The following FHDC1 variants were observed in gnomAD, a reference collection of about 807,000 sequenced individuals.
FHDC1 encodes the protein FH2 domain-containing protein 1.
In FHDC1, 25 loss-of-function variants were observed where a neutral mutation model predicts 52.6. The observed-to-expected ratio is 0.48, with a 90% CI of 0.35 to 0.66. FHDC1 has a LOEUF of 0.66. Among genes scored for constraint, FHDC1 ranks in the 30% least tolerant of loss-of-function variants. The pLI, the probability that FHDC1 is intolerant of heterozygous loss-of-function variation, is 0.01. For missense variants in FHDC1, 1,459 were observed against 1,452.8 expected (o/e 1.00, Z -0.07); for synonymous variants, 616 against 581.5 (o/e 1.06, Z -0.85).
At chr4:152,947,249 T>C (rs1283609870) in intron 2 of FHDC1, among the ~76,000 whole-genome samples, 1 of 151,150 alleles carries the variant, frequency 6.6e-6, no homozygotes, top group Non-Finnish European at 1.5e-5. Context: ...AGACATTTAG[T>C]ATGGGAAGAT....
chr4:152,927,756 A>C, the FHDC1 span: 1 of 1,416,700 alleles, frequency 7.1e-7, no homozygotes, highest in African/African-American at 1.4e-5. Flanking sequence ...GAAAAGCAAC[A>C]AAGAGAAGAA....
In FHDC1 at chr4:152,977,515, T is replaced by A. The variant is rs1455795382; in HGVS notation, c.*792T>A. 6.6e-6 allele frequency: 1 copy of A among 152,136 alleles called. No individual in the cohort carries two copies. The highest frequency in any genetic ancestry group is 1.5e-5 in the Non-Finnish European group (1 of 68,042). The allele number at this position is 152,136 out of a possible 1,614,324, so 9.4% of individuals were successfully genotyped here. A position where few individuals can be genotyped will look rare whatever the true frequency, so the allele number is the denominator to read the frequency against. ...TGGACTGCAGTGGCACAATCATAGC[T>A]CACTGCAGCTTTGACCTCCCAGACC... On this transcript the variant is annotated 3_prime_UTR_variant, in exon 12 of 12. Transcript: ENST00000511601.
intron 6 of FHDC1, 80 bp downstream of exon 6, chr4:152,960,924 G>C (rs549348055): frequency 5.7e-6 from 6 of 1,044,086 alleles, no homozygotes; most frequent in East Asian, 2.5e-5. Flanking sequence ...AAATGAAATT[G>C]GACATGGAAA....
At chr4:152,946,140 G>T (rs1455891482) in intron 2 of FHDC1, among the ~76,000 whole-genome samples, 1 of 152,144 alleles carries the variant, frequency 6.6e-6, no homozygotes, top group African/African-American at 2.4e-5. Flanking sequence ...TGGACAGCTG[G>T]GTTGCTTCCA....
At chr4:152,972,217 C>T (rs1031230686) in intron 10 of FHDC1, among the ~76,000 whole-genome samples, 160 bp from the exon 11 acceptor site, 1 of 152,132 alleles carries the variant, frequency 6.6e-6, no homozygotes. Flanking sequence ...GAATTATTTT[C>T]CTTTTGGCTC....
At position 152,978,176 on chromosome 4, in the gene FHDC1, A is replaced by T. The variant is rs1005926674; in HGVS notation, c.*1453A>T. 1 of 152,180 alleles carries T rather than the reference A, an allele frequency of 6.6e-6. No individual in the cohort carries two copies. The highest frequency in any genetic ancestry group is 2.4e-5 in the African/African-American group (1 of 41,434). 9.4% of individuals were successfully genotyped at this position (152,180 alleles called of 1,614,324 possible). ...CTGTTTGACAGTGTGCGTCTTTCCA[A>T]TCCCATGTTCCTCCATTCGTGTGTC... is the stretch of plus-strand genomic sequence containing the variant. On this transcript the variant is annotated 3_prime_UTR_variant, in exon 12 of 12. Coordinates refer to ENST00000511601, the MANE Select transcript of FHDC1 (RefSeq NM_001371116.1).
chr4:152,968,399 A>G (rs185023772), intron 10 of FHDC1, among the ~76,000 whole-genome samples: 107 of 151,154 alleles, frequency 7.1e-4, no homozygotes, highest in Middle Eastern at 3.4e-3. Context: ...GATCTCGGCA[A>G]ACTGCAACCT....
intron 1 of FHDC1, among the ~76,000 whole-genome samples, chr4:152,941,937 C>T (rs1399522992): frequency 6.6e-6 from 1 of 152,174 alleles, no homozygotes; most frequent in Non-Finnish European, 1.5e-5. Context: ...TTCTACACCC[C>T]ACTTACCTGT....
At position 152,943,152 on chromosome 4, in the gene FHDC1, C is replaced by T; in HGVS notation, c.95C>T (p.Pro32Leu). 1 of 1,613,990 alleles carries T rather than the reference C, an allele frequency of 6.2e-7. No individual in the cohort carries two copies. Among genetic ancestry groups the T allele is most frequent in the South Asian group, 1.1e-5 (1 of 91,064 alleles). ...PGFMIGQTPP[P>L]APPPPPPPPP... ...TTCATGATTGGGCAGACACCTCCTC[C>T]AGCACCTCCTCCACCTCCTCCTCCA... The change falls in exon 2 of 12, where the codon CCA becomes CTA. Residue 32 changes from proline to leucine, a missense_variant. By Grantham distance (98) the Pro-to-Leu change is moderately conservative (BLOSUM62 -3). Transcript: ENST00000511601.
intron 2 of FHDC1, 65 bp downstream of exon 2, chr4:152,943,620 G>A (rs1739643804): frequency 2.0e-6 from 3 of 1,507,502 alleles, no homozygotes; most frequent in East Asian, 4.5e-5. Flanking sequence ...TGGGATGTGT[G>A]TACATTTCAA....
the FHDC1 span, among the ~76,000 whole-genome samples, chr4:152,926,904 G>T: frequency 1.3e-5 from 2 of 152,144 alleles, no homozygotes; most frequent in African/African-American, 4.8e-5. Context: ...TGATTACTGA[G>T]TACTCTAATG....
chr4:152,940,788 A>C (rs141490466), intron 1 of FHDC1, among the ~76,000 whole-genome samples: 29 of 152,362 alleles, frequency 1.9e-4, no homozygotes, highest in African/African-American at 6.0e-4. Flanking sequence ...GTATTTTAAA[A>C]TATGTAAGGA....
At chr4:152,951,132 C>G (rs1222397422) in intron 2 of FHDC1, among the ~76,000 whole-genome samples, 1 of 152,124 alleles carries the variant, frequency 6.6e-6, no homozygotes, top group African/African-American at 2.4e-5. Context: ...GAAGGTGGCA[C>G]TTTCATGAAA....
intron 9 of FHDC1, 82 bp from the exon 10 acceptor site, chr4:152,967,898 C>A: frequency 3.0e-6 from 3 of 987,472 alleles, no homozygotes; most frequent in South Asian, 1.5e-5. Flanking sequence ...CAAGGTTGAA[C>A]AACAGTTAGT....
Position 152,943,154 on chromosome 4 carries a change from G to GCACCTCCTC in FHDC1, c.108_116dup (p.Pro41_Pro43dup). Reference sequence around the variant, plus strand: ...CATGATTGGGCAGACACCTCCTCCAGCACCTCCTCCACCTCCTCCTCCACC... The same window carrying GCACCTCCTC: ...CATGATTGGGCAGACACCTCCTCCAGCACCTCCTCCACCTCCTCCACCTCCTCCTCCACC... On this transcript the variant is annotated inframe_insertion, in exon 2 of 12. Transcript: ENST00000511601. The GCACCTCCTC allele has an allele frequency of 6.2e-7, 1 of 1,613,798 alleles. No individual in the cohort carries two copies. The highest frequency in any genetic ancestry group is 1.1e-5 in the South Asian group (1 of 91,010).
At chr4:152,931,257 G>A in the FHDC1 span, among the ~76,000 whole-genome samples, 1 of 151,994 alleles carries the variant, frequency 6.6e-6, no homozygotes, top group Non-Finnish European at 1.5e-5. Context: ...AGGTTTTGAT[G>A]TTATATTTTA....
intron 11 of FHDC1, among the ~76,000 whole-genome samples, 176 bp from the exon 12 acceptor site, chr4:152,974,499 T>C (rs1354926818): frequency 6.6e-6 from 1 of 151,704 alleles, no homozygotes; most frequent in Non-Finnish European, 1.5e-5. Flanking sequence ...CACACACACA[T>C]GCGTACACAC....
chr4:152,931,860 C>A (rs1197470568), upstream of FHDC1, among the ~76,000 whole-genome samples: 1 of 149,432 alleles, frequency 6.7e-6, no homozygotes, highest in Non-Finnish European at 1.5e-5. Flanking sequence ...TCAGTTGAGC[C>A]CAGGAGGTTG....
At chr4:152,948,257 C>T (rs573707593) in intron 2 of FHDC1, among the ~76,000 whole-genome samples, 1 of 152,296 alleles carries the variant, frequency 6.6e-6, no homozygotes, top group East Asian at 1.9e-4. Flanking sequence ...AAAGAAGCCC[C>T]CTTTGACATA....
Sources: gnomAD v4.1 joint callset for allele counts (sites outside exome capture counted in the v4.1 genomes callset) on GRCh38, gnomAD v4.1.1 for gene constraint, MANE v1.5 for transcripts, NCBI Gene and HGNC (gene_info 2026-07-23, HGNC 2026-07-21) for gene names.